Variants in TENM2 observed in about 807,000 individuals in gnomAD.
The protein encoded by TENM2 is teneurin transmembrane protein 2, also known as teneurin-2.
A neutral mutation model predicts 245.2 loss-of-function variants in TENM2; 52 were observed. That is an observed-to-expected ratio of 0.21 (90% CI 0.17 to 0.27). The LOEUF (loss-of-function observed/expected upper bound fraction) is 0.27. TENM2 is among the 10% of genes least tolerant of loss of function. The pLI, the probability that TENM2 is intolerant of heterozygous loss-of-function variation, is 1.00. For synonymous variants in TENM2, 1,363 were observed against 1,438.9 expected (o/e 0.95, Z 1.19); for missense variants, 3,046 against 3,666.8 (o/e 0.83, Z 4.37).
chr5:168,060,620 A>G (rs1789956006), intron 6 of TENM2, among the ~76,000 whole-genome samples: 1 of 152,158 alleles, frequency 6.6e-6, no homozygotes, highest in South Asian at 2.1e-4. Flanking sequence ...TTAAGATCGA[A>G]ACCAGTGTTT....
intron 1 of TENM2, 123 bp from the exon 4 acceptor site, chr5:167,375,075 C>A: frequency 3.1e-6 from 3 of 958,164 alleles, no homozygotes; most frequent in Non-Finnish European, 4.7e-6. Flanking sequence ...TGTTTCTGTA[C>A]ACCATGGTGA....
chr5:167,090,611 T>C, the TENM2 span, among the ~76,000 whole-genome samples: 2 of 152,228 alleles, frequency 1.3e-5, no homozygotes, highest in African/African-American at 4.8e-5. Flanking sequence ...TTCAGAAGTA[T>C]GCCTTGCTGT....
chr5:167,655,805 A>G (rs932807246), intron 2 of TENM2, among the ~76,000 whole-genome samples: 4 of 152,206 alleles, frequency 2.6e-5, no homozygotes, highest in South Asian at 2.1e-4. Context: ...CGTTTTTGAC[A>G]GTAGATATGG....
At chr5:168,132,208 C>T (rs1754651308) in intron 12 of TENM2, among the ~76,000 whole-genome samples, 1 of 152,054 alleles carries the variant, frequency 6.6e-6, no homozygotes, top group Non-Finnish European at 1.5e-5. Context: ...ACTGCAAAAA[C>T]ATAAAAGGAA....
chr5:167,646,187 TATATGTTGTTTTC>T (rs1417792859), intron 2 of TENM2, among the ~76,000 whole-genome samples: 29 of 113,740 alleles, frequency 2.5e-4, no homozygotes, highest in Admixed American at 1.1e-3. Context: ...CATATATATA[TATATGTTGTTTTC>T]ATATATATAT....
the TENM2 span, among the ~76,000 whole-genome samples, chr5:167,248,769 C>CAT: frequency 7.3e-6 from 1 of 136,502 alleles, no homozygotes; most frequent in African/African-American, 2.7e-5. Flanking sequence ...ATTCAAAAGC[C>CAT]ATATATATGT....
the TENM2 span, among the ~76,000 whole-genome samples, chr5:166,997,532 A>G: frequency 6.6e-6 from 1 of 152,222 alleles, no homozygotes; most frequent in African/African-American, 2.4e-5. Flanking sequence ...TTATAAATAT[A>G]GTATACTCTG....
intron 27 of TENM2, among the ~76,000 whole-genome samples, chr5:168,254,707 A>C (rs1177780466): frequency 6.6e-6 from 1 of 152,130 alleles, no homozygotes; most frequent in Non-Finnish European, 1.5e-5. Flanking sequence ...AGGGAGAGAG[A>C]GATCCCTGGA....
intron 25 of TENM2, among the ~76,000 whole-genome samples, chr5:168,233,458 T>C (rs898301508): frequency 2.6e-5 from 4 of 152,184 alleles, no homozygotes; most frequent in Non-Finnish European, 4.4e-5. Context: ...AAAGATGTAA[T>C]AACTGTGCCT....
At chr5:166,985,427 C>G in the TENM2 span, among the ~76,000 whole-genome samples, 1 of 152,120 alleles carries the variant, frequency 6.6e-6, no homozygotes, top group Non-Finnish European at 1.5e-5. Context: ...CCCACTGAAA[C>G]TTCTTGAGAA....
At chr5:167,262,342 G>C in the TENM2 span, among the ~76,000 whole-genome samples, 1 of 148,964 alleles carries the variant, frequency 6.7e-6, no homozygotes, top group East Asian at 2.0e-4. Flanking sequence ...TGGGCAACAA[G>C]AGTGTAACCC....
At chr5:167,599,207 T>C (rs1776433594) in intron 2 of TENM2, among the ~76,000 whole-genome samples, 1 of 152,098 alleles carries the variant, frequency 6.6e-6, no homozygotes, top group Admixed American at 6.6e-5. Context: ...CTTGGGAAAT[T>C]TTTTGGGCTG....
At chr5:167,684,347 G>A (rs1756936599) in intron 2 of TENM2, among the ~76,000 whole-genome samples, 1 of 152,184 alleles carries the variant, frequency 6.6e-6, no homozygotes, top group African/African-American at 2.4e-5. Context: ...GCATTCTGGA[G>A]ACTCTCAGTT....
intron 5 of TENM2, among the ~76,000 whole-genome samples, chr5:168,022,907 T>C (rs1047937306): frequency 6.6e-6 from 1 of 152,074 alleles, no homozygotes; most frequent in African/African-American, 2.4e-5. Context: ...CACACTGCAG[T>C]GTTCCATGTC....
intron 2 of TENM2, among the ~76,000 whole-genome samples, chr5:167,437,347 A>G (rs995725030): frequency 1.3e-5 from 2 of 151,848 alleles, no homozygotes; most frequent in African/African-American, 2.4e-5. Flanking sequence ...GTTTTGGCCA[A>G]TGTCTTCCAT....
chr5:168,228,035 T>G, exon 25 of TENM2: 1 of 1,613,836 alleles, frequency 6.2e-7, no homozygotes, highest in East Asian at 2.2e-5. Context: ...CTGCAACATC[T>G]CCCTGCCTAT....
intron 2 of TENM2, among the ~76,000 whole-genome samples, chr5:167,687,416 A>G (rs1757145671): frequency 6.6e-6 from 1 of 152,194 alleles, no homozygotes; most frequent in Non-Finnish European, 1.5e-5. Context: ...AAGTAGAGAA[A>G]GGTGAAATGG....
chr5:167,486,004 C>T (rs1768042019), intron 2 of TENM2, among the ~76,000 whole-genome samples: 1 of 151,956 alleles, frequency 6.6e-6, no homozygotes, highest in Non-Finnish European at 1.5e-5. Flanking sequence ...GAACTTTTCC[C>T]AGTGTCTAGT....
At chr5:167,611,794 G>A (rs1451364102) in intron 2 of TENM2, among the ~76,000 whole-genome samples, 1 of 152,034 alleles carries the variant, frequency 6.6e-6, no homozygotes, top group Non-Finnish European at 1.5e-5. Flanking sequence ...AAGGGGCAAA[G>A]CAGTTCTCTG....
Sources: gnomAD v4.1 joint callset for allele counts (sites outside exome capture counted in the v4.1 genomes callset) on GRCh38, gnomAD v4.1.1 for gene constraint, MANE v1.5 for transcripts, NCBI Gene and HGNC (gene_info 2026-07-23, HGNC 2026-07-21) for gene names.